Variants in TLE4 observed in about 807,000 individuals in gnomAD.
TLE4 encodes TLE family member 4, transcriptional corepressor.
In TLE4, 8 loss-of-function variants were observed where a neutral mutation model predicts 92.8. The observed-to-expected ratio is 0.09, with a 90% CI of 0.05 to 0.16. The LOEUF is 0.16. Among genes scored for constraint, TLE4 ranks in the 10% least tolerant of loss-of-function variants. The pLI, the probability that TLE4 is intolerant of heterozygous loss-of-function variation, is 1.00. For synonymous variants in TLE4, 371 were observed against 374.1 expected (o/e 0.99, Z 0.10); for missense variants, 675 against 997.6 (o/e 0.68, Z 4.36).
chr9:79,707,305 T>C, intron 11 of TLE4: 2 of 1,111,352 alleles, frequency 1.8e-6, no homozygotes, highest in Non-Finnish European at 2.7e-6. Context: ...AATTTTCCCT[T>C]CCTATCTAAA....
chr9:79,705,058 G>T (rs1191253368), intron 9 of TLE4, among the ~76,000 whole-genome samples, 156 bp downstream of exon 9: 2 of 152,182 alleles, frequency 1.3e-5, no homozygotes, highest in Non-Finnish European at 2.9e-5. Context: ...GTAGCCATTG[G>T]CTAGCTGAAG....
chr9:79,669,236 T>G (rs2061879856), intron 8 of TLE4, among the ~76,000 whole-genome samples: 1 of 152,100 alleles, frequency 6.6e-6, no homozygotes, highest in African/African-American at 2.4e-5. Flanking sequence ...CAGAGATAGG[T>G]CCCTCTGAAC....
chr9:79,608,087 A>G (rs1267826475), intron 4 of TLE4, among the ~76,000 whole-genome samples: 1 of 152,120 alleles, frequency 6.6e-6, no homozygotes, highest in Non-Finnish European at 1.5e-5. Context: ...TGCCCTGGCC[A>G]GAACTTCCAA....
chr9:79,709,349 C>G (rs1588508732), intron 13 of TLE4, among the ~76,000 whole-genome samples: 2 of 152,040 alleles, frequency 1.3e-5, no homozygotes, highest in East Asian at 1.9e-4. Context: ...AGAATTAGAT[C>G]ACATAGTATA....
intron 8 of TLE4, among the ~76,000 whole-genome samples, chr9:79,699,607 A>G (rs935830948): frequency 4.6e-5 from 7 of 152,146 alleles, no homozygotes; most frequent in Non-Finnish European, 8.8e-5. Flanking sequence ...ACGATTTTTG[A>G]AGGCCATAGC....
intron 6 of TLE4, among the ~76,000 whole-genome samples, chr9:79,643,403 C>T (rs2057536315): frequency 6.6e-6 from 1 of 152,224 alleles, no homozygotes; most frequent in South Asian, 2.1e-4. Context: ...TGTGACAGCT[C>T]ATAATCATAT....
chr9:79,684,758 T>C (rs907459603), intron 8 of TLE4, among the ~76,000 whole-genome samples: 4 of 152,198 alleles, frequency 2.6e-5, no homozygotes, highest in Admixed American at 1.3e-4. Context: ...CTTGTTCTTT[T>C]GGCACTAGTC....
chr9:79,641,836 C>G (rs1407013706), intron 6 of TLE4, among the ~76,000 whole-genome samples: 2 of 152,132 alleles, frequency 1.3e-5, no homozygotes, highest in Non-Finnish European at 2.9e-5. Context: ...CCCACTGACT[C>G]TCTCACCTAG....
intron 17 of TLE4, 58 bp downstream of exon 17, chr9:79,721,946 CA>C (rs2075711063): frequency 1.3e-6 from 2 of 1,567,646 alleles, no homozygotes; most frequent in East Asian, 4.5e-5. Flanking sequence ...GTGGGCGGAT[CA>C]CCAGGTCAGG....
intron 8 of TLE4, among the ~76,000 whole-genome samples, chr9:79,701,812 A>C (rs2069988786): frequency 6.6e-6 from 1 of 152,162 alleles, no homozygotes; most frequent in African/African-American, 2.4e-5. Flanking sequence ...TGTGTTGAGA[A>C]ATATTTCTGG....
At chr9:79,697,617 A>G (rs1322564663) in intron 8 of TLE4, among the ~76,000 whole-genome samples, 2 of 152,100 alleles carry the variant, frequency 1.3e-5, no homozygotes, top group African/African-American at 4.8e-5. Context: ...GGTGGAGCCA[A>G]TAGCTTTATT....
At chr9:79,659,749 TG>T (rs1301517333) in intron 8 of TLE4, among the ~76,000 whole-genome samples, 1 of 152,166 alleles carries the variant, frequency 6.6e-6, no homozygotes, top group African/African-American at 2.4e-5. Context: ...AGTTAGGGCA[TG>T]GGGAATCAGG....
chr9:79,615,267 C>G (rs574561892), intron 5 of TLE4, among the ~76,000 whole-genome samples: 2 of 152,282 alleles, frequency 1.3e-5, no homozygotes, highest in South Asian at 2.1e-4. Flanking sequence ...ATCACTCTTG[C>G]ATGGCTGTGA....
chr9:79,584,602 G>A (rs984056311), intron 4 of TLE4, among the ~76,000 whole-genome samples: 3 of 152,138 alleles, frequency 2.0e-5, no homozygotes, highest in African/African-American at 7.2e-5. Flanking sequence ...AGTAGATGCT[G>A]GTGCGCAATA....
intron 4 of TLE4, among the ~76,000 whole-genome samples, chr9:79,581,442 G>C (rs1258362791): frequency 1.3e-5 from 2 of 152,138 alleles, no homozygotes; most frequent in African/African-American, 2.4e-5. Context: ...GGATTCTTTT[G>C]TCTTTCTAGA....
At chr9:79,598,245 T>A (rs1414297669) in intron 4 of TLE4, among the ~76,000 whole-genome samples, 1 of 135,684 alleles carries the variant, frequency 7.4e-6, no homozygotes, top group Non-Finnish European at 1.5e-5. Flanking sequence ...CAAGACTCCG[T>A]CTCAAAAAAA....
intron 6 of TLE4, among the ~76,000 whole-genome samples, chr9:79,647,142 T>G (rs1215293556): frequency 6.6e-6 from 1 of 152,144 alleles, no homozygotes; most frequent in African/African-American, 2.4e-5. Context: ...CTGCATAAAG[T>G]CTCTAGTTTG....
intron 4 of TLE4, among the ~76,000 whole-genome samples, chr9:79,608,536 C>G (rs2047621037): frequency 6.6e-6 from 1 of 151,888 alleles, no homozygotes. Context: ...AATGTATGTT[C>G]TTGATAAACA....
At chr9:79,631,616 A>ATATGTGTGTGTG (rs775644348) in intron 6 of TLE4, among the ~76,000 whole-genome samples, 6 of 118,162 alleles carry the variant, frequency 5.1e-5, no homozygotes, top group Non-Finnish European at 1.7e-5. Context: ...TGAACCTTAA[A>ATATGTGTGTGTG]TGTGTGTGTG....
Sources: allele counts gnomAD v4.1 joint callset (sites outside exome capture counted in the v4.1 genomes callset), GRCh38; gene constraint gnomAD v4.1.1; transcripts MANE v1.5; gene names NCBI Gene and HGNC (gene_info 2026-07-23, HGNC 2026-07-21).